Variants in TAF4B observed in about 807,000 individuals in gnomAD.
The protein encoded by TAF4B is transcription initiation factor TFIID subunit 4B.
In TAF4B, 38 loss-of-function variants were observed where a neutral mutation model predicts 86.4. That is an observed-to-expected ratio of 0.44 (90% CI 0.34 to 0.58). The LOEUF (loss-of-function observed/expected upper bound fraction) is 0.58, where lower values mean the gene tolerates loss of function less well. TAF4B is among the 20% of genes least tolerant of loss of function. The probability of loss-of-function intolerance (pLI) is 0.02; values close to 1 mark genes in which losing one functional copy is unlikely to be tolerated. For missense variants in TAF4B, 988 were observed against 1,027.6 expected (o/e 0.96, Z 0.53); for synonymous variants, 388 against 391.2 (o/e 0.99, Z 0.10).
At chr18:26,236,293 A>T (rs567244705) in intron 1 of TAF4B, among the ~76,000 whole-genome samples, 1 of 152,324 alleles carries the variant, frequency 6.6e-6, no homozygotes, top group South Asian at 2.1e-4. Context: ...AGGCTGTCCC[A>T]GGATTCTTAG....
intron 13 of TAF4B, among the ~76,000 whole-genome samples, chr18:26,355,830 G>A (rs996133272): frequency 6.6e-6 from 1 of 152,160 alleles, no homozygotes; most frequent in Non-Finnish European, 1.5e-5. Context: ...CTGAATTGTG[G>A]CAGCATTAGA....
chr18:26,308,534 C>T (rs1433186151), intron 9 of TAF4B, among the ~76,000 whole-genome samples: 2 of 152,054 alleles, frequency 1.3e-5, no homozygotes, highest in African/African-American at 4.8e-5. Flanking sequence ...AGCCAAGAGA[C>T]AGTTATAATG....
chr18:26,370,154 G>A (rs2057397144), intron 14 of TAF4B, among the ~76,000 whole-genome samples: 1 of 152,178 alleles, frequency 6.6e-6, no homozygotes, highest in Admixed American at 6.5e-5. Context: ...GAAAAGGGCT[G>A]TAAATTCTGA....
chr18:26,368,620 A>G (rs926409361), intron 14 of TAF4B, among the ~76,000 whole-genome samples: 17 of 152,104 alleles, frequency 1.1e-4, no homozygotes, highest in Non-Finnish European at 5.9e-5. Flanking sequence ...AAACAGATTT[A>G]TTGTCATCTA....
chr18:26,304,448 A>G (rs2056773943), intron 9 of TAF4B, among the ~76,000 whole-genome samples: 1 of 152,188 alleles, frequency 6.6e-6, no homozygotes, highest in African/African-American at 2.4e-5. Context: ...AAAAGAACCA[A>G]ATAGGACTTT....
chr18:26,245,532 T>C (rs894531781), intron 1 of TAF4B, among the ~76,000 whole-genome samples: 1 of 152,178 alleles, frequency 6.6e-6, no homozygotes, highest in Admixed American at 6.5e-5. Context: ...AGTGCCCTTT[T>C]TTCAATCTTC....
chr18:26,304,207 GTTT>G (rs2056771584), intron 9 of TAF4B, among the ~76,000 whole-genome samples: 1 of 88,510 alleles, frequency 1.1e-5, no homozygotes, highest in Admixed American at 1.3e-4. Flanking sequence ...TTATTCCATT[GTTT>G]TTGGGTGTTC....
chr18:26,376,975 CATTG>C (rs1431093036), intron 14 of TAF4B, among the ~76,000 whole-genome samples: 1 of 151,912 alleles, frequency 6.6e-6, no homozygotes, highest in Non-Finnish European at 1.5e-5. Context: ...AGGTGTATTA[CATTG>C]ATTGATTTTT....
At chr18:26,308,879 CAAAAAAAAAAA>C (rs71169847) in intron 9 of TAF4B, among the ~76,000 whole-genome samples, 1 of 80,368 alleles carries the variant, frequency 1.2e-5, no homozygotes, top group Non-Finnish European at 2.3e-5. Flanking sequence ...GACTCTGTCT[CAAAAAAAAAAA>C]AAAAAAAAAG....
At chr18:26,341,963 A>G (rs1232717622) in intron 13 of TAF4B, among the ~76,000 whole-genome samples, 1 of 151,882 alleles carries the variant, frequency 6.6e-6, no homozygotes, top group African/African-American at 2.4e-5. Flanking sequence ...GGTAAACTTG[A>G]TCTTTTAAGT....
rs529337510 is a variant in TAF4B at position 26,295,129 on chromosome 18, A to G, written c.1832+1598A>G. ...CTGCATAATTTATATATATATTTCA[A>G]TATAATATTTGTATAAAATTTGTAC... is the stretch of plus-strand genomic sequence containing the variant. On this transcript the variant is annotated intron_variant, in intron 9 of 14. Transcript: ENST00000269142. The G allele has an allele frequency of 2.4e-5, 6 of 245,580 alleles. No individual in the cohort carries two copies. The Middle Eastern group carries it at 1.6e-3, about 66-fold the overall frequency. The allele number at this position is 245,580 out of a possible 1,614,324, so 15.2% of individuals were successfully genotyped here. A position where few individuals can be genotyped will look rare whatever the true frequency, so the allele number is the denominator to read the frequency against.
In TAF4B at chr18:26,335,186, T is replaced by G. The variant is rs1381644153; in HGVS notation, c.2271T>G (p.Asn757Lys). 1 of 1,609,084 alleles carries G rather than the reference T, an allele frequency of 6.2e-7. No homozygotes were observed. The highest frequency in any genetic ancestry group is 8.5e-7 in the Non-Finnish European group (1 of 1,175,852). ...MLLKAAKSRS[N>K]KEDPEQLRLK... ...TTTTCCTTTGATAGAGTCGTTCTAA[T>G]AAAGAAGATCCAGAACAGCTGAGAT... Residue 757 changes from asparagine (N) to lysine (K), a missense_variant, in exon 13 of 15, where the codon AAT becomes AAG. By Grantham distance (94) the Asn-to-Lys change is moderately conservative. This residue lies in a region of TAF4B where 216 missense variants were observed against 238.4 expected (regional missense o/e 0.91). Coordinates refer to ENST00000269142, the MANE Select transcript of TAF4B (RefSeq NM_005640.3).
At chr18:26,229,354 G>A (rs2046953055) in intron 1 of TAF4B, among the ~76,000 whole-genome samples, 1 of 152,040 alleles carries the variant, frequency 6.6e-6, no homozygotes, top group Non-Finnish European at 1.5e-5. Flanking sequence ...GTGGCAGAAG[G>A]GTGTACTAAC....
intron 1 of TAF4B, among the ~76,000 whole-genome samples, chr18:26,231,034 CTTTTTTTTTT>C (rs536863843): frequency 2.1e-4 from 14 of 66,164 alleles, no homozygotes; most frequent in African/African-American, 5.2e-4. Flanking sequence ...TGTTGTTTTG[CTTTTTTTTTT>C]TTTTTTTTTT....
At chr18:26,247,475 A>G (rs995487265) in intron 1 of TAF4B, among the ~76,000 whole-genome samples, 2 of 152,176 alleles carry the variant, frequency 1.3e-5, no homozygotes, top group Non-Finnish European at 2.9e-5. Context: ...CCTATTTTTT[A>G]AATTAAAAAG....
chr18:26,274,236 T>C (rs1409816407), intron 3 of TAF4B, among the ~76,000 whole-genome samples: 1 of 152,262 alleles, frequency 6.6e-6, no homozygotes, highest in Non-Finnish European at 1.5e-5. Context: ...TAGATTGCTC[T>C]GCTTTGTTCT....
At chr18:26,310,884 A>T (rs1040327301) in intron 9 of TAF4B, among the ~76,000 whole-genome samples, 1 of 151,910 alleles carries the variant, frequency 6.6e-6, no homozygotes, top group East Asian at 1.9e-4. Flanking sequence ...ACATGACAAG[A>T]TGGAGCTCCC....
chr18:26,236,129 G>C (rs1410056214), intron 1 of TAF4B, among the ~76,000 whole-genome samples: 1 of 152,154 alleles, frequency 6.6e-6, no homozygotes, highest in African/African-American at 2.4e-5. Context: ...CAACAAATGG[G>C]TAACTTGTTA....
intron 7 of TAF4B, among the ~76,000 whole-genome samples, chr18:26,288,802 T>A (rs2056558072): frequency 6.6e-6 from 1 of 152,196 alleles, no homozygotes; most frequent in South Asian, 2.1e-4. Context: ...ACAGCATTTT[T>A]GTTTTGTAGG....
Sources: allele counts gnomAD v4.1 joint callset (sites outside exome capture counted in the v4.1 genomes callset), GRCh38; gene constraint gnomAD v4.1.1; regional missense constraint gnomAD v4.1.1; transcripts MANE v1.5; gene names NCBI Gene and HGNC (gene_info 2026-07-23, HGNC 2026-07-21).